DDI2: variants seen among roughly 807,000 people sequenced by gnomAD.
DDI2 encodes the protein protein DDI1 homolog 2.
Under a neutral mutation model 48.1 loss-of-function variants are expected in DDI2, and 5 were observed. The observed-to-expected ratio is 0.10, with a 90% confidence interval of 0.05 to 0.22. The LOEUF is 0.22. DDI2 is among the 10% of genes least tolerant of loss of function. The pLI, the probability that DDI2 is intolerant of heterozygous loss-of-function variation, is 1.00. For synonymous variants in DDI2, 205 were observed against 183.6 expected, an observed-to-expected ratio of 1.12 and a Z score of -0.94; for missense variants, 285 against 506.2, an observed-to-expected ratio of 0.56 and a Z score of 4.19.
At chr1:15,623,854 A>T (rs897633092) in intron 1 of DDI2, among the ~76,000 whole-genome samples, 1 of 151,970 alleles carries the variant, frequency 6.6e-6, no homozygotes, top group Admixed American at 6.6e-5. Context: ...AGGTTAGGAG[A>T]TCGAGACCAT....
intron 5 of DDI2, 39 bp downstream of exon 5, chr1:15,638,473 A>G (rs1570976971): frequency 8.7e-6 from 14 of 1,605,374 alleles, no homozygotes; most frequent in Non-Finnish European, 1.1e-5. Flanking sequence ...CTCCCCTCCA[A>G]CATCTTTACC....
chr1:15,657,634 T>C (rs1215603290), intron 9 of DDI2, among the ~76,000 whole-genome samples: 1 of 152,204 alleles, frequency 6.6e-6, no homozygotes, highest in Admixed American at 6.5e-5. Context: ...CTCACTTGTT[T>C]ATAACTAACA....
rs758906942 is a variant in DDI2 at position 15,617,642 on chromosome 1, G to A, written c.-29G>A. On this transcript the variant is annotated 5_prime_UTR_variant, in exon 1 of 10. Coordinates refer to ENST00000480945, the MANE Select transcript of DDI2 (RefSeq NM_032341.5). ...GCGCCCCGCGCCCAGGCCGGGCCGA[G>A]CCGAGCCGAGCCGGGTCGGGCCCGG... 16 of 1,379,730 alleles carry A rather than the reference G, an allele frequency of 1.2e-5. No homozygotes were observed. The South Asian group carries it at 2.5e-4, about 22-fold the overall frequency. 85.5% of individuals were successfully genotyped at this position (1,379,730 alleles called of 1,614,324 possible). A position where few individuals can be genotyped will look rare whatever the true frequency, so the allele number is the denominator to read the frequency against.
intron 5 of DDI2, among the ~76,000 whole-genome samples, chr1:15,642,891 C>A (rs1216665788): frequency 6.6e-6 from 1 of 152,180 alleles, no homozygotes; most frequent in Non-Finnish European, 1.5e-5. Context: ...CACAGTGAAA[C>A]CCCACCTCTA....
chr1:15,626,589 C>T, intron 1 of DDI2, 80 bp from the exon 2 acceptor site: 1 of 1,572,246 alleles, frequency 6.4e-7, no homozygotes, highest in Non-Finnish European at 8.6e-7. Flanking sequence ...ACATCTGATT[C>T]AGGGGAAAAC....
rs921114536 is a variant in DDI2, at chr1:15,643,102, G to A, written c.761-420G>A. On this transcript the variant is annotated intron_variant, in intron 5 of 9. Transcript: ENST00000480945. ...AAAAACATTAGCTGGACATGATGGC[G>A]CAAGCCTGTCAATCCCAGGTACTCA... is the stretch of plus-strand genomic sequence containing the variant. Among the ~76,000 whole-genome samples, 8 of 152,218 alleles carry A rather than the reference G, an allele frequency of 5.3e-5. No individual in the cohort carries two copies. The South Asian group carries it at 8.3e-4, about 16-fold the overall frequency.
chr1:15,619,683 G>A (rs189856627), intron 1 of DDI2, among the ~76,000 whole-genome samples: 57 of 148,624 alleles, frequency 3.8e-4, no homozygotes, highest in Admixed American at 2.5e-3. Context: ...GGATGGTCTC[G>A]ATCTCCTGAC....
At chr1:15,640,247 C>A (rs1199365394) in intron 5 of DDI2, among the ~76,000 whole-genome samples, 4 of 152,068 alleles carry the variant, frequency 2.6e-5, no homozygotes, top group Non-Finnish European at 4.4e-5. Flanking sequence ...TTATTGTGTG[C>A]CAAGCACCAT....
At chr1:15,655,871 A>C (rs1355851870) in intron 8 of DDI2, among the ~76,000 whole-genome samples, 2 of 152,146 alleles carry the variant, frequency 1.3e-5, no homozygotes, top group Non-Finnish European at 2.9e-5. Flanking sequence ...GGCTACAGTG[A>C]GTTGTGGTTG....
chr1:15,640,346 C>T (rs535042258), intron 5 of DDI2, among the ~76,000 whole-genome samples: 1 of 152,208 alleles, frequency 6.6e-6, no homozygotes, highest in African/African-American at 2.4e-5. Context: ...CTGTTTTATC[C>T]ATAAGAAAAC....
Position 15,660,937 on chromosome 1 carries a change from A to G in DDI2, c.*1147A>G, listed in dbSNP as rs759115573. The G allele has an allele frequency of 1.2e-6, 2 of 1,613,282 alleles. No individual in the cohort carries two copies. The highest frequency in any genetic ancestry group is 1.7e-6 in the Non-Finnish European group (2 of 1,179,658). On this transcript the variant is annotated 3_prime_UTR_variant, in exon 10 of 10. Coordinates refer to ENST00000480945, the MANE Select transcript of DDI2 (RefSeq NM_032341.5). The stretch of plus-strand genomic sequence containing the variant: ...TTGCCCGTCTATAACGGCAGCCTTG[A>G]AAGAACTTCATGAACTTTTGGTTGT...
In DDI2 at chr1:15,637,434, C is replaced by T. The variant is rs116791172; in HGVS notation, c.633-873C>T. ...TCGCTCAGGCTGGAGTGTAGTCGTG[C>T]GATCTTGGCTGCAACCTCCGCCCCC... On this transcript the variant is annotated intron_variant, in intron 4 of 9. Coordinates refer to ENST00000480945, the MANE Select transcript of DDI2 (RefSeq NM_032341.5). Among the ~76,000 whole-genome samples the T allele has an allele frequency of 8.1e-3, 1,234 of 152,270 alleles. 15 individuals carry two copies. Among genetic ancestry groups the T allele is most frequent in the African/African-American group, 0.027 (1,123 of 41,546 alleles).
chr1:15,633,946 A>T, intron 4 of DDI2: 1 of 398,904 alleles, frequency 2.5e-6, no homozygotes, highest in East Asian at 7.2e-5. Context: ...GACATATTGT[A>T]TAAGTCCTGA....
At chr1:15,640,411 A>G (rs1639989177) in intron 5 of DDI2, among the ~76,000 whole-genome samples, 1 of 152,262 alleles carries the variant, frequency 6.6e-6, no homozygotes, top group South Asian at 2.1e-4. Context: ...AAGGAAACTT[A>G]GAGGGATCAA....
Position 15,660,016 on chromosome 1 carries a change from C to G in DDI2, c.*226C>G. ...GCCCAGTGACTCAGATCGCATTGAA[C>G]CTAAAGCTGTGAAGGCTTTGAAGGC... On this transcript the variant is annotated 3_prime_UTR_variant, in exon 10 of 10. Transcript: ENST00000480945. The G allele has an allele frequency of 2.5e-6, 4 of 1,614,190 alleles. No individual in the cohort carries two copies. In the South Asian group the frequency reaches 4.4e-5, roughly 18 times the overall value.
At chr1:15,619,714 G>A (rs1271610772) in intron 1 of DDI2, among the ~76,000 whole-genome samples, 2 of 152,102 alleles carry the variant, frequency 1.3e-5, no homozygotes, top group African/African-American at 4.8e-5. Flanking sequence ...GCCCGCCTCG[G>A]CCTTCCAAAG....
chr1:15,622,060 T>A (rs774285636), intron 1 of DDI2, among the ~76,000 whole-genome samples: 1 of 152,218 alleles, frequency 6.6e-6, no homozygotes, highest in Non-Finnish European at 1.5e-5. Context: ...GGCCGGTTTA[T>A]GGTCCTTATT....
At chr1:15,643,129 G>A (rs1241433381) in intron 5 of DDI2, among the ~76,000 whole-genome samples, 5 of 152,208 alleles carry the variant, frequency 3.3e-5, no homozygotes, top group Non-Finnish European at 5.9e-5. Flanking sequence ...AGGTACTCAG[G>A]AGGCTGACGC....
Position 15,660,319 on chromosome 1 carries a change from G to T in DDI2, c.*529G>T, listed in dbSNP as rs772776257. 1.9e-6 allele frequency: 3 copies of T among 1,614,090 alleles called. No individual in the cohort carries two copies. In the South Asian group the frequency reaches 3.3e-5, roughly 18 times the overall value. On this transcript the variant is annotated 3_prime_UTR_variant, in exon 10 of 10. Transcript: ENST00000480945. ...ACCACAGATGTTTCTAGGTGAAAAG[G>T]ATTGGCATCCAGAAAATCAGAACCT...
Sources: gnomAD v4.1 joint callset for allele counts (sites outside exome capture counted in the v4.1 genomes callset) on GRCh38, gnomAD v4.1.1 for gene constraint, MANE v1.5 for transcripts, NCBI Gene and HGNC (gene_info 2026-07-23, HGNC 2026-07-21) for gene names.